The following INPP4B variants were observed in gnomAD, a reference collection of about 807,000 sequenced individuals.
INPP4B encodes inositol polyphosphate-4-phosphatase type II B, also known as inositol polyphosphate 4-phosphatase type II.
INPP4B carries 55 observed loss-of-function variants against 122.5 expected under a neutral mutation model. The ratio of observed to expected loss-of-function variants is 0.45; its 90% CI spans 0.36 to 0.56. The LOEUF (loss-of-function observed/expected upper bound fraction) is 0.56. Ranked by LOEUF, INPP4B falls within the 20% of genes least tolerant of loss-of-function variation. The pLI is 0.00. For missense variants in INPP4B, 1,000 were observed against 1,097.7 expected (o/e 0.91, Z 1.26); for synonymous variants, 403 against 388.7 (o/e 1.04, Z -0.43).
intron 12 of INPP4B, among the ~76,000 whole-genome samples, chr4:142,231,388 A>G (rs1384097939): frequency 1.3e-5 from 2 of 152,174 alleles, no homozygotes; most frequent in African/African-American, 2.4e-5. Flanking sequence ...TGCAAACAAG[A>G]CTCACACGGA....
intron 1 of INPP4B, among the ~76,000 whole-genome samples, chr4:142,784,048 A>C (rs891306464): frequency 1.3e-4 from 20 of 152,244 alleles, no homozygotes; most frequent in Non-Finnish European, 2.9e-4. Flanking sequence ...TAGGGCAAGT[A>C]AAAAAACTGA....
intron 12 of INPP4B, among the ~76,000 whole-genome samples, chr4:142,228,036 T>C (rs1334290834): frequency 1.3e-5 from 2 of 151,840 alleles, no homozygotes; most frequent in Non-Finnish European, 2.9e-5. Context: ...AAACTAAAAT[T>C]AAAGACTTTC....
intron 11 of INPP4B, among the ~76,000 whole-genome samples, chr4:142,242,183 T>C (rs1029776274): frequency 2.0e-5 from 3 of 152,202 alleles, no homozygotes; most frequent in Admixed American, 2.0e-4. Context: ...AAATACATAA[T>C]AAATGAAACT....
chr4:142,074,625 G>C (rs904279466), intron 25 of INPP4B, among the ~76,000 whole-genome samples: 2 of 152,010 alleles, frequency 1.3e-5, no homozygotes, highest in Non-Finnish European at 2.9e-5. Flanking sequence ...AACATCTGAT[G>C]TTTTGCTGTT....
intron 7 of INPP4B, among the ~76,000 whole-genome samples, chr4:142,351,808 G>C (rs535141099): frequency 1.3e-5 from 2 of 151,958 alleles, no homozygotes; most frequent in South Asian, 4.2e-4. Context: ...TTAAGAGTTG[G>C]GGTTAAAATG....
At chr4:142,286,916 G>C (rs1753978970) in intron 9 of INPP4B, 1 of 152,034 alleles carries the variant, frequency 6.6e-6, no homozygotes, top group Non-Finnish European at 1.5e-5. Flanking sequence ...GGTTTGGTTT[G>C]TGTCTCAACA....
chr4:142,367,595 C>T (rs1788034708), intron 7 of INPP4B, among the ~76,000 whole-genome samples: 2 of 152,040 alleles, frequency 1.3e-5, no homozygotes, highest in Non-Finnish European at 2.9e-5. Flanking sequence ...GGTTTAGTAG[C>T]TCTCAGTGCC....
chr4:142,216,816 A>G (rs1847486436), intron 12 of INPP4B, among the ~76,000 whole-genome samples: 1 of 152,248 alleles, frequency 6.6e-6, no homozygotes, highest in Non-Finnish European at 1.5e-5. Flanking sequence ...AACCCTGTGA[A>G]GAATAAAGAG....
chr4:142,266,827 CAAAA>C (rs1743053114), intron 10 of INPP4B, among the ~76,000 whole-genome samples: 1 of 150,030 alleles, frequency 6.7e-6, no homozygotes, highest in East Asian at 1.9e-4. Flanking sequence ...ATGACACAAC[CAAAA>C]GAAAAAAAAA....
intron 2 of INPP4B, among the ~76,000 whole-genome samples, chr4:142,482,174 T>C (rs1354129057): frequency 6.6e-6 from 1 of 152,086 alleles, no homozygotes. Flanking sequence ...TTTATATATA[T>C]TGCTAATAGA....
chr4:142,581,227 A>G (rs1734985549), intron 2 of INPP4B, among the ~76,000 whole-genome samples: 1 of 152,042 alleles, frequency 6.6e-6, no homozygotes, highest in African/African-American at 2.4e-5. Context: ...AAATAAGTAC[A>G]TATTTTATAT....
chr4:142,450,245 G>C lies in INPP4B; in HGVS notation c.-127+12418C>G, dbSNP rs185270882. Among the ~76,000 whole-genome samples the C allele has an allele frequency of 1.5e-3, 224 of 152,282 alleles. 1 individual carries two copies. In the Middle Eastern group the frequency reaches 0.024, roughly 16 times the overall value. ...TGGGGCTAAACAGAGCCAGTTCATG[G>C]CATGCCAAACTTAGGAATGTGTTGG... On this transcript the variant is annotated intron_variant, in intron 3 of 25. Transcript: ENST00000262992.
chr4:142,534,089 C>A (rs1462317074), intron 2 of INPP4B, among the ~76,000 whole-genome samples: 1 of 152,154 alleles, frequency 6.6e-6, no homozygotes, highest in Non-Finnish European at 1.5e-5. Flanking sequence ...AGAGCCCCAG[C>A]CAACCCATTG....
chr4:142,465,630 T>C (rs1310755725), intron 2 of INPP4B, among the ~76,000 whole-genome samples: 2 of 152,198 alleles, frequency 1.3e-5, no homozygotes, highest in African/African-American at 2.4e-5. Flanking sequence ...TCCATTCCTT[T>C]TGTGGCCTTT....
At chr4:142,782,316 C>A (rs1440651869) in intron 1 of INPP4B, among the ~76,000 whole-genome samples, 1 of 150,420 alleles carries the variant, frequency 6.6e-6, no homozygotes, top group Non-Finnish European at 1.5e-5. Flanking sequence ...ATGAACTCAT[C>A]ATTTTTTATG....
intron 1 of INPP4B, among the ~76,000 whole-genome samples, chr4:142,802,224 T>C (rs1335699351): frequency 6.6e-6 from 1 of 152,300 alleles, no homozygotes; most frequent in East Asian, 1.9e-4. Flanking sequence ...TGAATCATGA[T>C]GGTACCTGCA....
intron 7 of INPP4B, among the ~76,000 whole-genome samples, chr4:142,335,821 A>G (rs1776368713): frequency 6.6e-6 from 1 of 152,246 alleles, no homozygotes; most frequent in African/African-American, 2.4e-5. Context: ...ATGTGTAACC[A>G]CTGATAGTGG....
intron 2 of INPP4B, among the ~76,000 whole-genome samples, chr4:142,710,925 G>T (rs1340020402): frequency 1.3e-5 from 2 of 152,206 alleles, no homozygotes; most frequent in African/African-American, 2.4e-5. Context: ...TCTAGTTTTT[G>T]TTCCTTGGTG....
intron 2 of INPP4B, among the ~76,000 whole-genome samples, chr4:142,482,283 T>A (rs1345062777): frequency 6.6e-6 from 1 of 152,190 alleles, no homozygotes. Flanking sequence ...TTGCTTCCTA[T>A]GTATGGTAAG....
Sources: gnomAD v4.1 joint callset for allele counts (sites outside exome capture counted in the v4.1 genomes callset) on GRCh38, gnomAD v4.1.1 for gene constraint, MANE v1.5 for transcripts, NCBI Gene and HGNC (gene_info 2026-07-23, HGNC 2026-07-21) for gene names.